Variants in SEPTIN5 observed in about 807,000 individuals in gnomAD.
SEPTIN5 encodes the protein septin-5.
In SEPTIN5, 16 loss-of-function variants were observed where a neutral mutation model predicts 51.2. The ratio of observed to expected loss-of-function variants is 0.31; its 90% CI spans 0.21 to 0.47. SEPTIN5 has a LOEUF of 0.47. Ranked by LOEUF, SEPTIN5 falls within the 20% of genes least tolerant of loss-of-function variation. SEPTIN5 has a pLI of 0.99. For synonymous variants in SEPTIN5, 208 were observed against 191.2 expected (o/e 1.09, Z -0.72); for missense variants, 376 against 500.3 (o/e 0.75, Z 2.37).
intron 10 of SEPTIN5, 116 bp from the exon 11 acceptor site, chr22:19,722,121 G>A: frequency 8.3e-7 from 1 of 1,210,990 alleles, no homozygotes; most frequent in South Asian, 1.5e-5. Context: ...GTCCAGGGCT[G>A]TGAGGGCTCC....
chr22:19,715,280 T>A (rs963277427), intron 2 of SEPTIN5, among the ~76,000 whole-genome samples: 1 of 152,198 alleles, frequency 6.6e-6, no homozygotes, highest in Non-Finnish European at 1.5e-5. Flanking sequence ...AGTGTTCAGG[T>A]CTGCAACAGG....
intron 2 of SEPTIN5, chr22:19,717,258 C>A: frequency 2.1e-6 from 1 of 469,616 alleles, no homozygotes. Context: ...CAGTCCTACC[C>A]TGGAACCTTT....
intron 2 of SEPTIN5, among the ~76,000 whole-genome samples, chr22:19,716,650 G>A (rs1436398398): frequency 6.6e-6 from 1 of 152,210 alleles, no homozygotes; most frequent in African/African-American, 2.4e-5. Flanking sequence ...GGCCCCAGTG[G>A]GTGGCAGGGC....
chr22:19,722,253 A>T lies in SEPTIN5; in HGVS notation c.967A>T (p.Ser323Cys), dbSNP rs771855787. The change falls in exon 11 of 12, where the codon AGC (serine) becomes TGC (cysteine). Residue 323 changes from serine (S) to cysteine (C), a missense_variant. Physicochemically the swap from Ser to Cys is moderately radical, Grantham distance 112. Coordinates refer to ENST00000455784, the MANE Select transcript of SEPTIN5 (RefSeq NM_002688.6). The stretch of plus-strand genomic sequence containing the variant: ...CCCGCGCAGCAAACTGACCCAGGAC[A>T]GCCGCATGGAGAGCCCCATCCCGAT... The part of the protein sequence containing the change: ...QQMTSKLTQD[S>C]RMESPIPILP... 2 of 1,606,846 alleles carry T rather than the reference A, an allele frequency of 1.2e-6. No homozygotes were observed. Among genetic ancestry groups the T allele is most frequent in the South Asian group, 2.2e-5 (2 of 90,562 alleles).
chr22:19,723,129 C>G lies in SEPTIN5; in HGVS notation c.*645C>G, dbSNP rs528114048. ...GGCGGTGAGCCACCTCCTGGCAACT[C>G]TCGGTGCCGTCCCCTGCCCTCGCTC... On this transcript the variant is annotated 3_prime_UTR_variant, in exon 12 of 12. Coordinates refer to ENST00000455784, the MANE Select transcript of SEPTIN5 (RefSeq NM_002688.6). 7.3e-6 allele frequency: 4 copies of G among 551,238 alleles called. No homozygotes were observed. The highest frequency in any genetic ancestry group is 6.1e-5 in the South Asian group (4 of 65,278). The allele number at this position is 551,238 out of a possible 1,614,324, so 34.1% of individuals were successfully genotyped here.
chr22:19,714,516 G>T lies in SEPTIN5; in HGVS notation c.-73G>T. 9.0e-7 allele frequency: 1 copy of T among 1,110,428 alleles called. No individual in the cohort carries two copies. 68.8% of individuals were successfully genotyped at this position (1,110,428 alleles called of 1,614,324 possible). A position where few individuals can be genotyped will look rare whatever the true frequency, so the allele number is the denominator to read the frequency against. ...GAGGGGCCGCTCACCCCGCAGCCCG[G>T]CCTCGGCCTCCGCCGCTTGTCGTCG... is the stretch of plus-strand genomic sequence containing the variant. On this transcript the variant is annotated 5_prime_UTR_variant, in exon 1 of 12. Transcript: ENST00000455784. The surrounding 1 kb of genome is among the most constrained non-coding windows in gnomAD (Gnocchi z 5.2).
intron 2 of SEPTIN5, among the ~76,000 whole-genome samples, chr22:19,715,470 G>C (rs545006487): frequency 1.3e-5 from 2 of 152,058 alleles, no homozygotes; most frequent in South Asian, 4.2e-4. Flanking sequence ...AAACCCAGCC[G>C]AGCTCAGGGT....
chr22:19,721,648 G>T lies in SEPTIN5; in HGVS notation c.726G>T (p.Ala242=). ...KQQDRELKES[A]PFAVIGSNTV... is the part of the protein sequence containing the mutation. ...CTCCCTCCTTCCCCCAGGAGAGCGC[G>T]CCCTTCGCCGTTATAGGCAGCAACA... Residue 242 remains alanine, a synonymous_variant, in exon 9 of 12, where the codon GCG becomes GCT. Coordinates refer to ENST00000455784, the MANE Select transcript of SEPTIN5 (RefSeq NM_002688.6). 1 of 1,612,768 alleles carries T rather than the reference G, an allele frequency of 6.2e-7. No homozygotes were observed. The highest frequency in any genetic ancestry group is 8.5e-7 in the Non-Finnish European group (1 of 1,179,756).
chr22:19,720,603 C>T lies in SEPTIN5; in HGVS notation c.552C>T (p.Ile184=), dbSNP rs773960138. Residue 184 remains isoleucine (I), a synonymous_variant, in exon 7 of 12, where the codon ATC becomes ATT. Transcript: ENST00000455784. ...FMKALHEKVN[I]VPLIAKADCL... ...AGGCATTGCATGAGAAGGTCAACAT[C>T]GTGCCTCTCATCGCCAAAGCTGACT... 147 of 1,612,844 alleles carry T rather than the reference C, an allele frequency of 9.1e-5. No homozygotes were observed. Among genetic ancestry groups the T allele is most frequent in the East Asian group, 1.1e-4 (5 of 44,900 alleles).
rs1568996902 is a variant in SEPTIN5 at position 19,720,212 on chromosome 22, C to T, written c.336C>T (p.Phe112=). 2.5e-6 allele frequency: 4 copies of T among 1,613,530 alleles called. No homozygotes were observed. The highest frequency in any genetic ancestry group is 2.2e-5 in the East Asian group (1 of 44,884). Reference sequence around the variant, plus strand: ...TCACCATCGTGGACACGCCGGGATTCGGGGACGCTGTCAACAACACCGAGT... The same window carrying T: ...TCACCATCGTGGACACGCCGGGATTTGGGGACGCTGTCAACAACACCGAGT... ...LKLTIVDTPG[F]GDAVNNTECW... Residue 112 remains phenylalanine, a synonymous_variant, in exon 5 of 12, where the codon TTC becomes TTT. Transcript: ENST00000455784.
At chr22:19,716,689 C>T (rs193139154) in intron 2 of SEPTIN5, among the ~76,000 whole-genome samples, 2 of 152,350 alleles carry the variant, frequency 1.3e-5, no homozygotes, top group East Asian at 3.9e-4. Flanking sequence ...GAGTGAGATT[C>T]TTGCCCTCCT....
chr22:19,720,296 G>GCCTCA (rs1271690867), intron 5 of SEPTIN5, 24 bp from the exon 6 acceptor site: 3 of 1,613,326 alleles, frequency 1.9e-6, no homozygotes, highest in Admixed American at 1.7e-5. Flanking sequence ...TCGAGGCCTG[G>GCCTCA]CCTCACCTCC....
In SEPTIN5 at chr22:19,719,888, T is replaced by C; in HGVS notation, c.234T>C (p.Ala78=). Residue 78 remains alanine, a synonymous_variant, in exon 4 of 12, where the codon GCT becomes GCC. Coordinates refer to ENST00000455784, the MANE Select transcript of SEPTIN5 (RefSeq NM_002688.6). The part of the protein sequence containing the change: ...DLYKDRKLLS[A]EERISQTVEI... ...ACAAGGACCGGAAGCTGCTCAGTGC[T>C]GAGGGTGAGTGGCCCCCAGGAGGCC... The C allele has an allele frequency of 6.2e-7, 1 of 1,612,670 alleles. No individual in the cohort carries two copies. The highest frequency in any genetic ancestry group is 8.5e-7 in the Non-Finnish European group (1 of 1,179,866).
intron 2 of SEPTIN5, chr22:19,717,301 C>G (rs1183734865): frequency 4.2e-6 from 2 of 470,770 alleles, no homozygotes; most frequent in South Asian, 3.1e-5. Context: ...CTGGGCTTGC[C>G]TGTTGGGATT....
At chr22:19,719,342 C>T (rs1171071083) in intron 2 of SEPTIN5, 1 of 439,922 alleles carries the variant, frequency 2.3e-6, no homozygotes, top group African/African-American at 2.0e-5. Context: ...TGACATCTCC[C>T]CACGGAATAA....
At chr22:19,721,442 C>T (rs1420251062) in intron 8 of SEPTIN5, among the ~76,000 whole-genome samples, 198 bp from the exon 9 acceptor site, 1 of 152,078 alleles carries the variant, frequency 6.6e-6, no homozygotes, top group East Asian at 1.9e-4. Context: ...CCTGGAAAGG[C>T]CCTGGAATGT....
chr22:19,722,566 C>T lies in SEPTIN5; in HGVS notation c.*82C>T, dbSNP rs1936069147. Reference sequence around the variant, plus strand: ...GACCGGACTGTTCCCGACCCGGAGACGCGGGGCCACAGCCCCCAGCTGACC... The same window carrying T: ...GACCGGACTGTTCCCGACCCGGAGATGCGGGGCCACAGCCCCCAGCTGACC... On this transcript the variant is annotated 3_prime_UTR_variant, in exon 12 of 12. Transcript: ENST00000455784. 1.4e-6 allele frequency: 2 copies of T among 1,414,360 alleles called. No homozygotes were observed. The highest frequency in any genetic ancestry group is 1.9e-6 in the Non-Finnish European group (2 of 1,028,124). 87.6% of individuals were successfully genotyped at this position (1,414,360 alleles called of 1,614,324 possible).
chr22:19,720,005 C>T (rs1451017926), intron 4 of SEPTIN5, 110 bp from the exon 5 acceptor site: 14 of 1,599,704 alleles, frequency 8.8e-6, no homozygotes, highest in Non-Finnish European at 8.5e-6. Flanking sequence ...CGGTGTGGGT[C>T]CCCTGGGGGT....
rs3810596 is a variant in SEPTIN5 at position 19,722,938 on chromosome 22, G to C, written c.*454G>C. The C allele has an allele frequency of 2.9e-3, 1,278 of 441,896 alleles. 17 individuals carry two copies. The highest frequency in any genetic ancestry group is 0.022 in the South Asian group (1,050 of 47,720). The allele number at this position is 441,896 out of a possible 1,614,324, so 27.4% of individuals were successfully genotyped here. ...CTGAGACCCCATTTTCTGTCGAGGC[G>C]GGCCGAGTCTTCCCTTATCCCCAGA... On this transcript the variant is annotated 3_prime_UTR_variant, in exon 12 of 12. Transcript: ENST00000455784.
Sources: gnomAD v4.1 joint callset for allele counts (sites outside exome capture counted in the v4.1 genomes callset) on GRCh38, gnomAD v4.1.1 for gene constraint, Gnocchi (gnomAD v3.1) non-coding constraint, MANE v1.5 for transcripts, NCBI Gene and HGNC (gene_info 2026-07-23, HGNC 2026-07-21) for gene names.